The following CFAP69 variants were observed in gnomAD, a reference collection of about 807,000 sequenced individuals.
CFAP69 encodes cilia- and flagella-associated protein 69.
Under a neutral mutation model 123.0 loss-of-function variants are expected in CFAP69, and 92 were observed. The observed-to-expected ratio is 0.75, with a 90% CI of 0.63 to 0.89. The LOEUF is 0.89. Ranked by LOEUF, CFAP69 falls within the 40% of genes least tolerant of loss-of-function variation. CFAP69 has a pLI of 0.00. For missense variants in CFAP69, 1,067 were observed against 1,096.9 expected (o/e 0.97, Z 0.39); for synonymous variants, 380 against 364.3 (o/e 1.04, Z -0.49).
At chr7:90,266,112 G>A (rs192951131) in intron 5 of CFAP69, 1 of 152,004 alleles carries the variant, frequency 6.6e-6, no homozygotes, top group East Asian at 1.9e-4. Context: ...AAATATTTAC[G>A]GAATAATGAT....
intron 2 of CFAP69, among the ~76,000 whole-genome samples, chr7:90,257,411 C>T (rs538615052): frequency 2.0e-5 from 3 of 152,114 alleles, no homozygotes; most frequent in Admixed American, 6.5e-5. Flanking sequence ...CTATCTACCA[C>T]CTCTAGCATT....
chr7:90,267,209 AT>A (rs1305406920), intron 5 of CFAP69, among the ~76,000 whole-genome samples: 6 of 152,198 alleles, frequency 3.9e-5, no homozygotes, highest in Non-Finnish European at 8.8e-5. Context: ...TTTAAGTGAT[AT>A]CTTTTGCAGA....
intron 15 of CFAP69, among the ~76,000 whole-genome samples, chr7:90,290,067 AG>A (rs1790899096): frequency 6.6e-6 from 1 of 152,170 alleles, no homozygotes; most frequent in Non-Finnish European, 1.5e-5. Flanking sequence ...TTCCCCATTA[AG>A]ATTGTCTTAG....
chr7:90,255,141 T>A (rs1797483275), intron 1 of CFAP69, among the ~76,000 whole-genome samples: 1 of 152,238 alleles, frequency 6.6e-6, no homozygotes, highest in African/African-American at 2.4e-5. Context: ...TCTCAACTTA[T>A]GGAAGTACTA....
At chr7:90,258,387 T>C (rs553213490) in intron 3 of CFAP69, among the ~76,000 whole-genome samples, 1 of 152,276 alleles carries the variant, frequency 6.6e-6, no homozygotes, top group Admixed American at 6.5e-5. Flanking sequence ...TCCTGAAGAC[T>C]CTAGAAAGGA....
chr7:90,271,335 T>C (rs914959142), intron 6 of CFAP69, among the ~76,000 whole-genome samples, 191 bp from the exon 7 acceptor site: 6 of 152,104 alleles, frequency 3.9e-5, no homozygotes, highest in Non-Finnish European at 7.4e-5. Flanking sequence ...CCTTATAACC[T>C]GCAAAGCTTA....
intron 19 of CFAP69, 50 bp from the exon 20 acceptor site, chr7:90,306,851 G>T (rs372163633): frequency 4.6e-6 from 5 of 1,083,644 alleles, no homozygotes; most frequent in Non-Finnish European, 6.9e-6. Context: ...TTGTACAATT[G>T]CATGATTTGT....
the CFAP69 span, chr7:90,316,474 CT>C: frequency 6.6e-6 from 1 of 152,142 alleles, no homozygotes; most frequent in African/African-American, 2.4e-5. Context: ...CATAAAATTG[CT>C]TTTGAATTAG....
At chr7:90,259,079 C>T (rs1797990443) in intron 3 of CFAP69, among the ~76,000 whole-genome samples, 1 of 152,024 alleles carries the variant, frequency 6.6e-6, no homozygotes, top group Admixed American at 6.6e-5. Flanking sequence ...AATATACGAC[C>T]CTGACCAGAA....
intron 3 of CFAP69, among the ~76,000 whole-genome samples, chr7:90,260,367 A>C (rs1303016676): frequency 6.6e-6 from 1 of 152,060 alleles, no homozygotes; most frequent in Non-Finnish European, 1.5e-5. Context: ...CTCTAAAAAA[A>C]AAAATAGCCA....
At chr7:90,279,428 C>G (rs1230819229) in intron 11 of CFAP69, among the ~76,000 whole-genome samples, 2 of 151,438 alleles carry the variant, frequency 1.3e-5, no homozygotes, top group Non-Finnish European at 2.9e-5. Flanking sequence ...CATATATGAG[C>G]AGCAAAAACA....
chr7:90,245,708 C>A (rs889099918), intron 1 of CFAP69, among the ~76,000 whole-genome samples, 164 bp downstream of exon 1: 1 of 152,110 alleles, frequency 6.6e-6, no homozygotes, highest in Non-Finnish European at 1.5e-5. Context: ...TGATCCCCCA[C>A]CCCCTGCGAA....
chr7:90,306,390 A>G (rs11563909), intron 19 of CFAP69, among the ~76,000 whole-genome samples: 68,805 of 151,974 alleles, frequency 0.45, 16,788 homozygotes, highest in Non-Finnish European at 0.55. Context: ...GGAACCATGG[A>G]GTTAAAAGCT....
the CFAP69 span, chr7:90,319,374 T>C: frequency 2.5e-6 from 1 of 398,620 alleles, no homozygotes; most frequent in Non-Finnish European, 4.4e-6. Flanking sequence ...TTATTTTCTG[T>C]GGAAAATTAT....
At chr7:90,315,160 T>C (rs185908394), downstream of CFAP69, among the ~76,000 whole-genome samples, 734 of 149,378 alleles carry the variant, frequency 4.9e-3, 2 homozygotes, top group Middle Eastern at 0.01. Flanking sequence ...TTGCTGGGAG[T>C]GTAAATTAGT....
intron 1 of CFAP69, among the ~76,000 whole-genome samples, chr7:90,247,865 A>G (rs906579194): frequency 6.6e-6 from 1 of 152,176 alleles, no homozygotes; most frequent in Non-Finnish European, 1.5e-5. Flanking sequence ...ACAAAACAAA[A>G]CAAAAAGAAA....
At chr7:90,258,987 T>C (rs1226705792) in intron 3 of CFAP69, among the ~76,000 whole-genome samples, 2 of 152,210 alleles carry the variant, frequency 1.3e-5, no homozygotes, top group East Asian at 1.9e-4. Context: ...CTCATGAGGT[T>C]GTTAGCAAGA....
At chr7:90,273,865 C>G (rs186499470) in intron 8 of CFAP69, 122 bp from the exon 9 acceptor site, 1 of 694,634 alleles carries the variant, frequency 1.4e-6, no homozygotes, top group Admixed American at 3.8e-5. Context: ...TCATTACCTC[C>G]CTAAGGCCTC....
At chr7:90,259,437 G>A (rs1248431153) in intron 3 of CFAP69, among the ~76,000 whole-genome samples, 1 of 151,864 alleles carries the variant, frequency 6.6e-6, no homozygotes, top group Non-Finnish European at 1.5e-5. Context: ...ACTACCTTTG[G>A]ATAAGAACCA....
Sources: allele counts gnomAD v4.1 joint callset (sites outside exome capture counted in the v4.1 genomes callset), GRCh38; gene constraint gnomAD v4.1.1; transcripts MANE v1.5; gene names NCBI Gene and HGNC (gene_info 2026-07-23, HGNC 2026-07-21).